ATP2B4: variants seen among roughly 807,000 people sequenced by gnomAD.
ATP2B4 encodes ATPase plasma membrane Ca2+ transporting 4.
A neutral mutation model predicts 110.3 loss-of-function variants in ATP2B4; 39 were observed. The ratio of observed to expected loss-of-function variants is 0.35; its 90% CI spans 0.27 to 0.46. ATP2B4 has a LOEUF of 0.46. Among genes scored for constraint, ATP2B4 ranks in the 20% least tolerant of loss-of-function variants. The pLI is 1.00. For missense variants in ATP2B4, 1,135 were observed against 1,530.9 expected (o/e 0.74, Z 4.32); for synonymous variants, 538 against 571.7 (o/e 0.94, Z 0.84).
Position 203,658,864 on chromosome 1 carries a change from C to T in ATP2B4, c.-464-23878C>T, listed in dbSNP as rs530505379. On this transcript the variant is annotated intron_variant, in intron 1 of 20. Coordinates refer to ENST00000357681, the MANE Select transcript of ATP2B4 (RefSeq NM_001684.5). The stretch of plus-strand genomic sequence containing the variant: ...ACTAAAAATACAAAAATTAGCTGGG[C>T]GTGGTGGTGTGTGCCTGTAATCCCA... Among the ~76,000 whole-genome samples the T allele has an allele frequency of 4.6e-5, 7 of 151,832 alleles. No individual in the cohort carries two copies. In the East Asian group the frequency reaches 1.2e-3, roughly 25 times the overall value.
intron 2 of ATP2B4, among the ~76,000 whole-genome samples, chr1:203,686,402 C>T (rs1168297258): frequency 6.6e-6 from 1 of 152,190 alleles, no homozygotes; most frequent in East Asian, 1.9e-4. Flanking sequence ...CCCAGAGCTG[C>T]CACTGTTTAC....
At chr1:203,733,568 G>T in intron 20 of ATP2B4, 3 of 577,604 alleles carry the variant, frequency 5.2e-6, no homozygotes, top group Non-Finnish European at 8.6e-6. Flanking sequence ...CAGACTGTGT[G>T]CCCTTGTATT....
At chr1:203,671,133 A>G (rs750106620) in intron 1 of ATP2B4, among the ~76,000 whole-genome samples, 1 of 152,206 alleles carries the variant, frequency 6.6e-6, no homozygotes, top group Non-Finnish European at 1.5e-5. Context: ...CAGCATCTTT[A>G]TATTCCAACT....
At chr1:203,672,777 T>C (rs1172043649) in intron 1 of ATP2B4, among the ~76,000 whole-genome samples, 6 of 152,128 alleles carry the variant, frequency 3.9e-5, no homozygotes, top group Non-Finnish European at 7.4e-5. Flanking sequence ...CCTGTGGAGA[T>C]AGAAGACAGG....
At chr1:203,679,894 C>CA (rs796642735) in intron 1 of ATP2B4, among the ~76,000 whole-genome samples, 22 of 149,978 alleles carry the variant, frequency 1.5e-4, no homozygotes, top group East Asian at 3.9e-4. Flanking sequence ...AACAAACAAA[C>CA]AAAAAAAACA....
intron 15 of ATP2B4, among the ~76,000 whole-genome samples, chr1:203,717,230 T>C (rs1334206286): frequency 1.3e-5 from 2 of 152,196 alleles, no homozygotes; most frequent in Non-Finnish European, 2.9e-5. Flanking sequence ...TCATTGACTA[T>C]TTGATTACTC....
rs532260296 is a variant in ATP2B4, at chr1:203,695,588, T to TTC, written c.194-2568_194-2567dup. Among the ~76,000 whole-genome samples, 4 of 152,180 alleles carry TTC rather than the reference T, an allele frequency of 2.6e-5. No homozygotes were observed. In the East Asian group the frequency reaches 7.8e-4, roughly 30 times the overall value. On this transcript the variant is annotated intron_variant, in intron 2 of 20. Coordinates refer to ENST00000357681, the MANE Select transcript of ATP2B4 (RefSeq NM_001684.5). ...CCCTGGATAAGCCATCAGGCACCAC[T>TTC]TCCCTAACCAGCCCCTGTGTCTCTC...
At position 203,629,155 on chromosome 1, in the gene ATP2B4, T is replaced by C. The variant is rs1025968235; in HGVS notation, c.-465+1936T>C. Among the ~76,000 whole-genome samples, 1 of 152,190 alleles carries C rather than the reference T, an allele frequency of 6.6e-6. No homozygotes were observed. Among genetic ancestry groups the C allele is most frequent in the Admixed American group, 6.5e-5 (1 of 15,286 alleles). On this transcript the variant is annotated intron_variant, in intron 1 of 20. Transcript: ENST00000357681. This position sits in a 1 kb window ranked among gnomAD's most constrained non-coding sequence, Gnocchi z 4.6. The stretch of plus-strand genomic sequence containing the variant: ...TTTCACTTTGAGGTGTTGATTGATC[T>C]GACTGCACCCCTCGGCTAGACAGCT...
At chr1:203,646,866 T>C (rs953715175) in intron 1 of ATP2B4, among the ~76,000 whole-genome samples, 1 of 152,230 alleles carries the variant, frequency 6.6e-6, no homozygotes, top group African/African-American at 2.4e-5. Context: ...AAGAGAAAAC[T>C]AAAACGTTCA....
intron 1 of ATP2B4, among the ~76,000 whole-genome samples, chr1:203,674,637 C>CTTTTTTTTTTTT (rs57153257): frequency 2.2e-5 from 1 of 46,230 alleles, no homozygotes. Context: ...CCACACCTGG[C>CTTTTTTTTTTTT]TTTTTTTTTT....
intron 1 of ATP2B4, among the ~76,000 whole-genome samples, chr1:203,680,901 T>A (rs1664993673): frequency 6.6e-6 from 1 of 152,226 alleles, no homozygotes; most frequent in Non-Finnish European, 1.5e-5. Context: ...CAACACTCTA[T>A]CAGCATTGTT....
chr1:203,627,319 A>C (rs1336533803), intron 1 of ATP2B4, 100 bp downstream of exon 1: 1 of 152,234 alleles, frequency 6.6e-6, no homozygotes, highest in Non-Finnish European at 1.5e-5. Flanking sequence ...TCTTTCTAGA[A>C]TATTTCATGC....
intron 20 of ATP2B4, chr1:203,733,498 G>A: frequency 4.7e-6 from 6 of 1,265,970 alleles, no homozygotes; most frequent in Non-Finnish European, 6.3e-6. Flanking sequence ...TTTCCTTTTG[G>A]TTTTTCCCTT....
intron 17 of ATP2B4, 116 bp from the exon 18 acceptor site, chr1:203,722,362 A>T (rs1666362673): frequency 2.5e-6 from 2 of 803,488 alleles, no homozygotes; most frequent in Non-Finnish European, 2.1e-6. Flanking sequence ...TGCAGCTCAG[A>T]TATTGATTAA....
At chr1:203,657,274 C>G (rs1664190050) in intron 1 of ATP2B4, 4 of 719,392 alleles carry the variant, frequency 5.6e-6, no homozygotes, top group Non-Finnish European at 7.6e-6. Flanking sequence ...GTAAAGCCAT[C>G]TCCGACAAAG....
intron 1 of ATP2B4, among the ~76,000 whole-genome samples, chr1:203,628,386 C>A (rs1052641828): frequency 1.3e-5 from 2 of 152,078 alleles, no homozygotes; most frequent in African/African-American, 4.8e-5. Context: ...GGAGTGGGCA[C>A]TCTGCTGCCA....
Position 203,724,726 on chromosome 1 carries a change from T to C in ATP2B4, c.3132+738T>C, listed in dbSNP as rs147544575. ...AGGGTTTCCAGCCTCTTCTCTTTCT[T>C]GCCATGGCTTTATCTGGGTGGAATT... On this transcript the variant is annotated intron_variant, in intron 19 of 20. Transcript: ENST00000357681. Among the ~76,000 whole-genome samples the C allele has an allele frequency of 2.7e-3, 409 of 152,232 alleles. 2 individuals are homozygous for C. The highest frequency in any genetic ancestry group is 9.5e-3 in the African/African-American group (394 of 41,538).
intron 9 of ATP2B4, 30 bp from the exon 10 acceptor site, chr1:203,707,832 C>CA: frequency 1.2e-6 from 2 of 1,609,662 alleles, no homozygotes; most frequent in Non-Finnish European, 1.7e-6. Context: ...GTTAGTCCCC[C>CA]TCTCAAGTCT....
chr1:203,715,819 C>T lies in ATP2B4; in HGVS notation c.2406+1542C>T, dbSNP rs986043178. Among the ~76,000 whole-genome samples, 16 of 144,244 alleles carry T rather than the reference C, an allele frequency of 1.1e-4. 4 individuals are homozygous for T. The highest frequency in any genetic ancestry group is 4.1e-4 in the African/African-American group (16 of 39,450). 94.6% of individuals were successfully genotyped at this position (144,244 alleles called of 152,430 possible). On this transcript the variant is annotated intron_variant, in intron 15 of 20. Coordinates refer to ENST00000357681, the MANE Select transcript of ATP2B4 (RefSeq NM_001684.5). ...ATCCATAACTTGCAGTTATTTGATA[C>T]ATCTGTTAAGTCTCTTAACCTATCT...
Sources: gnomAD v4.1 joint callset for allele counts (sites outside exome capture counted in the v4.1 genomes callset) on GRCh38, gnomAD v4.1.1 for gene constraint, Gnocchi (gnomAD v3.1) non-coding constraint, MANE v1.5 for transcripts, NCBI Gene and HGNC (gene_info 2026-07-23, HGNC 2026-07-21) for gene names.